Variants in KIF22 observed in about 807,000 individuals in gnomAD.
The protein encoded by KIF22 is kinesin-like protein KIF22.
Under a neutral mutation model 73.0 loss-of-function variants are expected in KIF22, and 62 were observed. The observed-to-expected ratio is 0.85, with a 90% CI of 0.69 to 1.05. The LOEUF is 1.05. KIF22 is among the 50% of genes least tolerant of loss of function. The pLI, the probability that KIF22 is intolerant of heterozygous loss-of-function variation, is 0.00. For synonymous variants in KIF22, 411 were observed against 340.1 expected (o/e 1.21, Z -2.29); for missense variants, 854 against 870.1 (o/e 0.98, Z 0.23).
intron 11 of KIF22, chr16:29,804,284 G>C (rs936643065): frequency 9.8e-6 from 6 of 612,804 alleles, no homozygotes; most frequent in Non-Finnish European, 1.8e-5. Context: ...TCGCAGAGCG[G>C]ATGTTCCACT....
intron 1 of KIF22, among the ~76,000 whole-genome samples, chr16:29,795,497 G>T (rs1313275561): frequency 6.6e-6 from 1 of 152,158 alleles, no homozygotes; most frequent in Admixed American, 6.5e-5. Context: ...GCTACCACCA[G>T]CAAGGAAGGG....
At chr16:29,801,823 T>C (rs1166193191) in intron 8 of KIF22, among the ~76,000 whole-genome samples, 2 of 152,164 alleles carry the variant, frequency 1.3e-5, no homozygotes, top group Non-Finnish European at 1.5e-5. Context: ...GGAGTGTCCC[T>C]GTCCTCCAGG....
intron 11 of KIF22, 48 bp downstream of exon 11, chr16:29,804,113 G>A (rs1375016751): frequency 6.1e-6 from 9 of 1,478,168 alleles, no homozygotes; most frequent in Non-Finnish European, 7.6e-6. Context: ...CAGAAGTAAG[G>A]GGGAGTAGGC....
In KIF22 at chr16:29,790,796, G is replaced by A. The variant is rs1176137975; in HGVS notation, c.37G>A (p.Glu13Lys). Residue 13 changes from glutamate (E) to lysine (K), a missense_variant, in exon 1 of 14, where the codon GAG becomes AAG. Coordinates refer to ENST00000160827, the MANE Select transcript of KIF22 (RefSeq NM_007317.3). ...CGGCTCGACGCAGCAGAGGCGACGC[G>A]AGATGGCGGCAGCTTCAGCGGCGGC... Reference protein sequence around the residue: ...AGGSTQQRRREMAAASAAAIS... With the variant: ...AGGSTQQRRRKMAAASAAAIS... 1.2e-6 allele frequency: 2 copies of A among 1,604,514 alleles called. No individual in the cohort carries two copies. The highest frequency in any genetic ancestry group is 1.7e-5 in the Admixed American group (1 of 58,856).
Position 29,799,671 on chromosome 16 carries a change from T to C in KIF22, c.1034T>C (p.Ile345Thr), listed in dbSNP as rs1899065340. The C allele has an allele frequency of 6.2e-7, 1 of 1,613,896 alleles. No homozygotes were observed. Among genetic ancestry groups the C allele is most frequent in the African/African-American group, 1.3e-5 (1 of 74,878 alleles). The change falls in exon 7 of 14, where the codon ATT becomes ACT. Residue 345 changes from isoleucine (I) to threonine (T), a missense_variant. By Grantham distance (89) the Ile-to-Thr change is moderately conservative (BLOSUM62 -1). This residue lies in a region of KIF22 where 245 missense variants were observed against 351.8 expected (regional missense o/e 0.70). Transcript: ENST00000160827. ...GCCCACAGTATCCTTATTGCCAACA[T>C]TGCCCCTGAGAGACGCTTCTACCTA... is the stretch of plus-strand genomic sequence containing the variant. Reference protein sequence around the residue: ...GSAHSILIANIAPERRFYLDT... With the variant: ...GSAHSILIANTAPERRFYLDT...
rs779786332 is a variant in KIF22, at chr16:29,799,709, G to A, written c.1072G>A (p.Ala358Thr). The A allele has an allele frequency of 1.2e-5, 19 of 1,613,366 alleles. No individual in the cohort carries two copies. The highest frequency in any genetic ancestry group is 1.6e-4 in the Middle Eastern group (1 of 6,084). The stretch of plus-strand genomic sequence containing the variant: ...ACGCTTCTACCTAGACACAGTCTCC[G>A]CACTCAACTTTGCTGCCAGGTCCAA... The part of the protein sequence containing the change: ...ERRFYLDTVS[A>T]LNFAARSKEV... Residue 358 changes from alanine (A) to threonine (T), a missense_variant, in exon 7 of 14, where the codon GCA becomes ACA. This residue lies in a region of KIF22 where 245 missense variants were observed against 351.8 expected (regional missense o/e 0.70). Transcript: ENST00000160827.
intron 9 of KIF22, 105 bp downstream of exon 9, chr16:29,803,042 T>C: frequency 8.7e-7 from 1 of 1,154,462 alleles, no homozygotes; most frequent in Admixed American, 2.4e-5. Flanking sequence ...GAGTCCAGTT[T>C]TCTCCCAATA....
Position 29,805,318 on chromosome 16 carries a change from C to T in KIF22, c.*8C>T, listed in dbSNP as rs183566608. 3.2e-4 allele frequency: 511 copies of T among 1,612,666 alleles called. 6 individuals are homozygous for T. The East Asian group carries it at 8.2e-3, about 26-fold the overall frequency. Reference sequence around the variant, plus strand: ...CGCTGTGGCGCCTCCTGACCGTCGTCTCCTCACTCCGCCTTTTCAAATTTT... The same window carrying T: ...CGCTGTGGCGCCTCCTGACCGTCGTTTCCTCACTCCGCCTTTTCAAATTTT... On this transcript the variant is annotated 3_prime_UTR_variant, in exon 14 of 14. Transcript: ENST00000160827.
intron 11 of KIF22, 27 bp downstream of exon 11, chr16:29,804,092 C>T (rs778058412): frequency 5.7e-6 from 9 of 1,581,194 alleles, no homozygotes; most frequent in Non-Finnish European, 7.8e-6. Context: ...GCTTAGGCTA[C>T]ACCTGGAGCC....
Position 29,804,070 on chromosome 16 carries a change from AAGT to A in KIF22, c.1677+8_1677+10del. The A allele has an allele frequency of 1.9e-6, 3 of 1,612,564 alleles. No individual in the cohort carries two copies. The highest frequency in any genetic ancestry group is 2.5e-6 in the Non-Finnish European group (3 of 1,178,632). The stretch of plus-strand genomic sequence containing the variant: ...AATAAAGGCCGGAAGAGAAAGGTGA[AAGT>A]AGCTGGGGGCTTAGGCTACACCTGG... On this transcript the variant is annotated splice_donor_region_variant and intron_variant, in intron 11 of 13. Coordinates refer to ENST00000160827, the MANE Select transcript of KIF22 (RefSeq NM_007317.3).
Position 29,805,311 on chromosome 16 carries a change from C to T in KIF22, c.*1C>T, listed in dbSNP as rs554019581. The T allele has an allele frequency of 4.4e-5, 71 of 1,612,998 alleles. No homozygotes were observed. Among genetic ancestry groups the T allele is most frequent in the Middle Eastern group, 3.3e-4 (2 of 6,084 alleles). On this transcript the variant is annotated 3_prime_UTR_variant, in exon 14 of 14. Coordinates refer to ENST00000160827, the MANE Select transcript of KIF22 (RefSeq NM_007317.3). Reference sequence around the variant, plus strand: ...CGGCCAGCGCTGTGGCGCCTCCTGACCGTCGTCTCCTCACTCCGCCTTTTC... The same window carrying T: ...CGGCCAGCGCTGTGGCGCCTCCTGATCGTCGTCTCCTCACTCCGCCTTTTC...
chr16:29,804,831 C>G lies in KIF22; in HGVS notation c.1695C>G (p.Ala565=). 6.2e-7 allele frequency: 1 copy of G among 1,611,484 alleles called. No homozygotes were observed. The highest frequency in any genetic ancestry group is 8.5e-7 in the Non-Finnish European group (1 of 1,178,988). Reference sequence around the variant, plus strand: ...CCTCCCAGCTGGAGTCCCTGGATGCCCTAGAGCCTGAGGAGAAGGCTGAGG... The same window carrying G: ...CCTCCCAGCTGGAGTCCCTGGATGCGCTAGAGCCTGAGGAGAAGGCTGAGG... ...GRKRKLESLD[A]LEPEEKAEDC... Residue 565 remains alanine (A), a synonymous_variant, in exon 12 of 14, where the codon GCC becomes GCG. Coordinates refer to ENST00000160827, the MANE Select transcript of KIF22 (RefSeq NM_007317.3).
chr16:29,791,889 G>A (rs1418967527), intron 1 of KIF22, among the ~76,000 whole-genome samples: 3 of 152,152 alleles, frequency 2.0e-5, no homozygotes, highest in Non-Finnish European at 2.9e-5. Flanking sequence ...TGTGTCCGGT[G>A]CATGGTAGAT....
intron 1 of KIF22, among the ~76,000 whole-genome samples, chr16:29,795,132 C>A (rs1305398279): frequency 6.6e-6 from 1 of 152,208 alleles, no homozygotes; most frequent in African/African-American, 2.4e-5. Context: ...AGGTCCTGCA[C>A]ATATTTTTGA....
At chr16:29,795,856 T>C (rs377608177) in intron 1 of KIF22, among the ~76,000 whole-genome samples, 23 of 152,136 alleles carry the variant, frequency 1.5e-4, no homozygotes, top group African/African-American at 5.1e-4. Flanking sequence ...TGCATGTCGG[T>C]GGTTTTTGCA....
At position 29,804,936 on chromosome 16, in the gene KIF22, A is replaced by AG; in HGVS notation, c.1801dup (p.Ala601GlyfsTer?). On this transcript the variant is annotated frameshift_variant, in exon 12 of 14. Coordinates refer to ENST00000160827, the MANE Select transcript of KIF22 (RefSeq NM_007317.3). LOFTEE classifies it high-confidence loss of function. ...TACTGGATCTGCTGAACGAAGGCTC[A>AG]GCCCGAGATCTCCGCAGTCTTCAGC... 1.2e-6 allele frequency: 2 copies of AG among 1,611,630 alleles called. No homozygotes were observed. Among genetic ancestry groups the AG allele is most frequent in the Non-Finnish European group, 1.7e-6 (2 of 1,179,112 alleles).
chr16:29,799,240 C>T lies in KIF22; in HGVS notation c.760-24C>T, dbSNP rs767984235. ...GAAGCCCAGGAGCCTGAGCTAAGCA[C>T]GAGACCTTTGTTCTTACCCCCAGGT... On this transcript the variant is annotated intron_variant, in intron 5 of 13. Transcript: ENST00000160827. 92 of 1,611,534 alleles carry T rather than the reference C, an allele frequency of 5.7e-5. No individual in the cohort carries two copies. In the Middle Eastern group the frequency reaches 8.2e-4, roughly 14 times the overall value.
rs372923745 is a variant in KIF22, at chr16:29,799,192, C to G, written c.759+8C>G. 1 of 1,612,534 alleles carries G rather than the reference C, an allele frequency of 6.2e-7. No individual in the cohort carries two copies. Among genetic ancestry groups the G allele is most frequent in the Admixed American group, 1.7e-5 (1 of 59,658 alleles). On this transcript the variant is annotated splice_region_variant and intron_variant, in intron 5 of 13. Coordinates refer to ENST00000160827, the MANE Select transcript of KIF22 (RefSeq NM_007317.3). ...GCTGTGCTCCTGGTCAAGGTGAGGC[C>G]GCAGACAGGGGCGAGGACCTGGGAA...
At position 29,804,840 on chromosome 16, in the gene KIF22, TGAGGAGAAGGCTGAG is replaced by T; in HGVS notation, c.1707_1721del (p.Glu569_Glu573del). 6.2e-7 allele frequency: 1 copy of T among 1,612,496 alleles called. No individual in the cohort carries two copies. Among genetic ancestry groups the T allele is most frequent in the Non-Finnish European group, 8.5e-7 (1 of 1,179,476 alleles). On this transcript the variant is annotated inframe_deletion, in exon 12 of 14. Transcript: ENST00000160827. ...TGGAGTCCCTGGATGCCCTAGAGCC[TGAGGAGAAGGCTGAG>T]GACTGCTGGGAGCTACAGATCAGCC...
Sources: allele counts gnomAD v4.1 joint callset (sites outside exome capture counted in the v4.1 genomes callset), GRCh38; gene constraint gnomAD v4.1.1; regional missense constraint gnomAD v4.1.1; transcripts MANE v1.5; gene names NCBI Gene and HGNC (gene_info 2026-07-23, HGNC 2026-07-21).